The following ATXN7L1 variants were observed in gnomAD, a reference collection of about 807,000 sequenced individuals.
The protein encoded by ATXN7L1 is ataxin 7 like 1.
ATXN7L1 carries 15 observed loss-of-function variants against 70.8 expected under a neutral mutation model. That is an observed-to-expected ratio of 0.21 (90% CI 0.14 to 0.33). The LOEUF (loss-of-function observed/expected upper bound fraction) is 0.33. ATXN7L1 is among the 10% of genes least tolerant of loss of function. ATXN7L1 has a pLI of 1.00. For synonymous variants in ATXN7L1, 440 were observed against 445.1 expected (o/e 0.99, Z 0.14); for missense variants, 975 against 1,097.1 (o/e 0.89, Z 1.57).
rs556888064 is a variant in ATXN7L1 at position 105,638,500 on chromosome 7, T to G, written c.1055A>C (p.Glu352Ala). ...TTCCCTCGTGGAAGTCAGGAGATGC[T>G]CTTTATCTTTAACTTCTTTTTCCCG... ...KSREKEVKDK[E>A]HLLTSTREIL... Residue 352 changes from glutamate to alanine, a missense_variant, in exon 7 of 12, where the codon GAG becomes GCG. By Grantham distance (107) the Glu-to-Ala change is moderately radical. Transcript: ENST00000419735. The G allele has an allele frequency of 4.4e-5, 69 of 1,552,326 alleles. No individual in the cohort carries two copies. Among genetic ancestry groups the G allele is most frequent in the Admixed American group, 1.8e-4 (9 of 51,010 alleles).
At chr7:105,838,235 GTTCT>G (rs1271756858) in intron 2 of ATXN7L1, among the ~76,000 whole-genome samples, 51 of 152,220 alleles carry the variant, frequency 3.4e-4, no homozygotes, top group African/African-American at 1.2e-3. Context: ...TCTGCCTGTC[GTTCT>G]TTCTTTTTTT....
At chr7:105,687,223 T>C (rs1450652157) in intron 3 of ATXN7L1, among the ~76,000 whole-genome samples, 1 of 152,208 alleles carries the variant, frequency 6.6e-6, no homozygotes, top group Admixed American at 6.5e-5. Flanking sequence ...CACAGATGAA[T>C]CTGTACCCCA....
chr7:105,810,697 C>A (rs143725504), intron 2 of ATXN7L1, among the ~76,000 whole-genome samples: 1 of 152,174 alleles, frequency 6.6e-6, no homozygotes, highest in Non-Finnish European at 1.5e-5. Context: ...CAGGAGCCAA[C>A]GCGAGCCAGC....
intron 8 of ATXN7L1, among the ~76,000 whole-genome samples, chr7:105,623,448 G>A (rs1252320839): frequency 1.3e-5 from 2 of 152,216 alleles, no homozygotes; most frequent in African/African-American, 4.8e-5. Context: ...CCACCTCAGT[G>A]TCAATGACCT....
chr7:105,752,032 T>C (rs1799278205), intron 3 of ATXN7L1, among the ~76,000 whole-genome samples: 1 of 152,266 alleles, frequency 6.6e-6, no homozygotes, highest in African/African-American at 2.4e-5. Flanking sequence ...ATGAATTTAT[T>C]TCAGGTATTG....
intron 2 of ATXN7L1, among the ~76,000 whole-genome samples, chr7:105,873,031 G>A (rs1356398198): frequency 2.6e-5 from 4 of 152,152 alleles, no homozygotes; most frequent in Non-Finnish European, 5.9e-5. Flanking sequence ...GCGGGCGCCT[G>A]TAATCCCAGC....
chr7:105,841,053 T>C (rs1327574075), intron 2 of ATXN7L1, among the ~76,000 whole-genome samples: 1 of 152,248 alleles, frequency 6.6e-6, no homozygotes, highest in African/African-American at 2.4e-5. Context: ...GTGTTTTTTC[T>C]ATAAATCTCA....
At chr7:105,787,396 T>A (rs970004081) in intron 3 of ATXN7L1, among the ~76,000 whole-genome samples, 12 of 152,188 alleles carry the variant, frequency 7.9e-5, no homozygotes, top group Admixed American at 5.2e-4. Flanking sequence ...TGCCTTGTGC[T>A]GGTTTGAAAG....
intron 3 of ATXN7L1, among the ~76,000 whole-genome samples, chr7:105,716,595 C>T (rs981189082): frequency 6.7e-6 from 1 of 150,124 alleles, no homozygotes; most frequent in Non-Finnish European, 1.5e-5. Context: ...TTTGGGAGAC[C>T]TAGGTGGGCA....
intron 2 of ATXN7L1, among the ~76,000 whole-genome samples, chr7:105,856,148 A>C (rs1174778196): frequency 6.6e-6 from 1 of 152,222 alleles, no homozygotes; most frequent in African/African-American, 2.4e-5. Context: ...TTACTCACTG[A>C]CTTAAATGAA....
Position 105,655,895 on chromosome 7 carries a change from G to T in ATXN7L1, c.578+9171C>A, listed in dbSNP as rs372282064. ...CCACCTGCTGCAGGGCATGCACAGG[G>T]AGGCCAGGGAGCCTGCTGATTTTTC... is the stretch of plus-strand genomic sequence containing the variant. On this transcript the variant is annotated intron_variant, in intron 4 of 11. Transcript: ENST00000419735. Among the ~76,000 whole-genome samples, 19 of 152,364 alleles carry T rather than the reference G, an allele frequency of 1.2e-4. 1 individual carries two copies. The highest frequency in any genetic ancestry group is 4.3e-4 in the African/African-American group (18 of 41,600).
intron 2 of ATXN7L1, among the ~76,000 whole-genome samples, chr7:105,867,968 A>G (rs1438240009): frequency 6.6e-6 from 1 of 152,222 alleles, no homozygotes; most frequent in East Asian, 1.9e-4. Context: ...CATCTGGCTC[A>G]AACCATCAGT....
At chr7:105,689,164 C>T (rs1201014877) in intron 3 of ATXN7L1, among the ~76,000 whole-genome samples, 1 of 152,052 alleles carries the variant, frequency 6.6e-6, no homozygotes, top group Non-Finnish European at 1.5e-5. Flanking sequence ...TCCCCTGGGG[C>T]CAAGAGAGAA....
At chr7:105,793,932 T>C (rs1805611550) in intron 2 of ATXN7L1, among the ~76,000 whole-genome samples, 1 of 152,102 alleles carries the variant, frequency 6.6e-6, no homozygotes, top group South Asian at 2.1e-4. Flanking sequence ...TATAGACATG[T>C]AGTCATCCAT....
chr7:105,640,090 C>G lies in ATXN7L1; in HGVS notation c.863-521G>C, dbSNP rs541761788. Among the ~76,000 whole-genome samples the G allele has an allele frequency of 7.9e-5, 12 of 152,110 alleles. No homozygotes were observed. The East Asian group carries it at 9.7e-4, about 12-fold the overall frequency. ...AATGGGAGATTACTCCTTGACATGT[C>G]AGAGTGACCTGCCTCTCTCATGCTT... On this transcript the variant is annotated intron_variant, in intron 5 of 11. Transcript: ENST00000419735.
chr7:105,676,089 G>T (rs763567707), intron 3 of ATXN7L1, among the ~76,000 whole-genome samples: 33 of 152,108 alleles, frequency 2.2e-4, no homozygotes, highest in Non-Finnish European at 4.0e-4. Context: ...GGAGGAGAAC[G>T]GACGCGGCCC....
At chr7:105,797,866 A>T (rs1806225097) in intron 2 of ATXN7L1, among the ~76,000 whole-genome samples, 1 of 152,220 alleles carries the variant, frequency 6.6e-6, no homozygotes, top group South Asian at 2.1e-4. Context: ...ATCTTCCGGA[A>T]GACAGGAATT....
At chr7:105,620,732 T>TAA (rs1299001941) in intron 8 of ATXN7L1, among the ~76,000 whole-genome samples, 11 of 151,834 alleles carry the variant, frequency 7.2e-5, no homozygotes, top group Non-Finnish European at 1.3e-4. Context: ...CCGTTTCTAC[T>TAA]AAAAATACAA....
rs528482297 is a variant in ATXN7L1 at position 105,809,615 on chromosome 7, A to G, written c.251-20907T>C. Reference sequence around the variant, plus strand: ...TACTGACATGGTACTCACTGTTTCCATGGTAAGTGGTTACATATATTAACG... The same window carrying G: ...TACTGACATGGTACTCACTGTTTCCGTGGTAAGTGGTTACATATATTAACG... On this transcript the variant is annotated intron_variant, in intron 2 of 11. Coordinates refer to ENST00000419735, the MANE Select transcript of ATXN7L1 (RefSeq NM_020725.2). Among the ~76,000 whole-genome samples, 3 of 152,336 alleles carry G rather than the reference A, an allele frequency of 2.0e-5. No individual in the cohort carries two copies. The East Asian group carries it at 5.8e-4, about 29-fold the overall frequency.
Sources: gnomAD v4.1 joint callset for allele counts (sites outside exome capture counted in the v4.1 genomes callset) on GRCh38, gnomAD v4.1.1 for gene constraint, MANE v1.5 for transcripts, NCBI Gene and HGNC (gene_info 2026-07-23, HGNC 2026-07-21) for gene names.